Variants in TECRL observed in about 807,000 individuals in gnomAD.
TECRL encodes the protein trans-2,3-enoyl-CoA reductase like.
A neutral mutation model predicts 52.8 loss-of-function variants in TECRL; 63 were observed. The ratio of observed to expected loss-of-function variants is 1.19; its 90% CI spans 0.97 to 1.47. The LOEUF (loss-of-function observed/expected upper bound fraction) is 1.47. TECRL is among the 40% of genes most tolerant of loss of function. The pLI is 0.00. For synonymous variants in TECRL, 164 were observed against 141.9 expected (o/e 1.16, Z -1.10); for missense variants, 482 against 429.6 (o/e 1.12, Z -1.08).
rs1284114298 is a variant in TECRL, at chr4:64,280,015, A to G, written c.*57T>C. 2.0e-5 allele frequency: 30 copies of G among 1,528,076 alleles called. No individual in the cohort carries two copies. The highest frequency in any genetic ancestry group is 2.4e-4 in the Middle Eastern group (1 of 4,250). The allele number at this position is 1,528,076 out of a possible 1,614,324, so 94.7% of individuals were successfully genotyped here. A position where few individuals can be genotyped will look rare whatever the true frequency, so the allele number is the denominator to read the frequency against. On this transcript the variant is annotated 3_prime_UTR_variant, in exon 12 of 12. Coordinates refer to ENST00000381210, the MANE Select transcript of TECRL (RefSeq NM_001010874.5). ...TATAATAGTTAACTATCCTTAACTA[A>G]GTCTTATTTATTGAATTTATATGTT...
chr4:64,356,718 T>C (rs989948008), intron 2 of TECRL, among the ~76,000 whole-genome samples: 3 of 152,108 alleles, frequency 2.0e-5, no homozygotes, highest in African/African-American at 7.2e-5. Context: ...CAGAGACCAA[T>C]GCGTTAGCAG....
chr4:64,381,168 A>G (rs1300737753), intron 1 of TECRL, among the ~76,000 whole-genome samples: 1 of 151,964 alleles, frequency 6.6e-6, no homozygotes, highest in African/African-American at 2.4e-5. Flanking sequence ...ATGAGATAAA[A>G]TTATTGATTT....
At chr4:64,317,772 A>T (rs778440686) in intron 4 of TECRL, among the ~76,000 whole-genome samples, 2 of 152,330 alleles carry the variant, frequency 1.3e-5, no homozygotes, top group Non-Finnish European at 2.9e-5. Context: ...AAATATTTTT[A>T]AAAAGCCTTT....
At chr4:64,330,899 G>T (rs1718591590) in intron 2 of TECRL, among the ~76,000 whole-genome samples, 1 of 151,880 alleles carries the variant, frequency 6.6e-6, no homozygotes, top group Non-Finnish European at 1.5e-5. Context: ...TTTATTTCTG[G>T]CAATATAGAC....
Position 64,338,668 on chromosome 4 carries a change from A to G in TECRL, c.287-10112T>C, listed in dbSNP as rs1440625089. Among the ~76,000 whole-genome samples, 5 of 152,262 alleles carry G rather than the reference A, an allele frequency of 3.3e-5. No individual in the cohort carries two copies. In the East Asian group the frequency reaches 9.6e-4, roughly 29 times the overall value. ...AAAAGAAGACATTTATGCATTCAAC[A>G]GACACATGATAAAATGTTCATCATC... On this transcript the variant is annotated intron_variant, in intron 2 of 11. Transcript: ENST00000381210.
chr4:64,314,593 GTGTGTGTGTGTGTGTGTGT>G (rs1717340878), intron 5 of TECRL, 36 bp downstream of exon 5: 5 of 264,778 alleles, frequency 1.9e-5, no homozygotes, highest in African/African-American at 4.1e-4. Flanking sequence ...CGTGTATGGT[GTGTGTGTGTGTGTGTGTGT>G]GTGTGTGTGT....
At chr4:64,369,681 T>C (rs1016540494) in intron 2 of TECRL, among the ~76,000 whole-genome samples, 3 of 151,968 alleles carry the variant, frequency 2.0e-5, no homozygotes, top group Non-Finnish European at 4.4e-5. Context: ...GCAAGTTATA[T>C]AATATTTCTT....
intron 2 of TECRL, among the ~76,000 whole-genome samples, chr4:64,359,660 C>A (rs907649837): frequency 3.3e-5 from 5 of 151,956 alleles, no homozygotes; most frequent in Non-Finnish European, 5.9e-5. Flanking sequence ...AATCACATTT[C>A]ATGCACTTCA....
intron 8 of TECRL, among the ~76,000 whole-genome samples, chr4:64,293,038 T>G (rs995302239): frequency 1.3e-5 from 2 of 152,102 alleles, no homozygotes; most frequent in Non-Finnish European, 2.9e-5. Flanking sequence ...CTTTATTGAG[T>G]AATTTGAATA....
Position 64,353,209 on chromosome 4 carries a change from G to T in TECRL, c.286+21963C>A, listed in dbSNP as rs199657004. 4.5e-4 allele frequency among the ~76,000 whole-genome samples: 69 copies of T among 152,278 alleles called. No homozygotes were observed. The East Asian group carries it at 0.012, about 27-fold the overall frequency. On this transcript the variant is annotated intron_variant, in intron 2 of 11. Transcript: ENST00000381210. ...AAACACAGAATAAGAAGTTCTCAGA[G>T]AGTAATAAATACCATGCTGTTAAAG...
intron 8 of TECRL, 23 bp downstream of exon 8, chr4:64,299,951 C>G (rs752728102): frequency 2.0e-6 from 3 of 1,475,414 alleles, no homozygotes; most frequent in South Asian, 1.5e-5. Flanking sequence ...GCGTGAATAG[C>G]AAAATATATA....
In TECRL at chr4:64,327,115, G is replaced by T. The variant is rs571399306; in HGVS notation, c.331+1397C>A. ...CATGTAGGCAAGTAAGTATGAGAGG[G>T]TCAATCAAATGTAGAAATCTGAATC... On this transcript the variant is annotated intron_variant, in intron 3 of 11. Coordinates refer to ENST00000381210, the MANE Select transcript of TECRL (RefSeq NM_001010874.5). Among the ~76,000 whole-genome samples, 232 of 152,102 alleles carry T rather than the reference G, an allele frequency of 1.5e-3. 1 individual carries two copies. Among genetic ancestry groups the T allele is most frequent in the African/African-American group, 5.3e-3 (221 of 41,516 alleles).
intron 2 of TECRL, among the ~76,000 whole-genome samples, chr4:64,356,764 A>G (rs1356709406): frequency 6.6e-6 from 1 of 152,000 alleles, no homozygotes; most frequent in Non-Finnish European, 1.5e-5. Context: ...CTCTGGGCCC[A>G]TTTTTCTTTC....
intron 1 of TECRL, among the ~76,000 whole-genome samples, chr4:64,388,468 CCTGGTT>C (rs1723328002): frequency 6.6e-6 from 1 of 151,732 alleles, no homozygotes; most frequent in African/African-American, 2.4e-5. Flanking sequence ...AGTTCTTCAA[CCTGGTT>C]CTTATTTGTC....
intron 2 of TECRL, among the ~76,000 whole-genome samples, chr4:64,330,652 T>A (rs986755866): frequency 2.0e-5 from 3 of 152,030 alleles, no homozygotes; most frequent in African/African-American, 7.2e-5. Flanking sequence ...AATAAAAGTT[T>A]AATTAATCAC....
At chr4:64,297,449 T>C (rs1212719015) in intron 8 of TECRL, among the ~76,000 whole-genome samples, 2 of 150,940 alleles carry the variant, frequency 1.3e-5, no homozygotes, top group Admixed American at 1.3e-4. Context: ...AGCAAAAAAA[T>C]AGCATTTACA....
chr4:64,306,432 A>C (rs1365122390), intron 6 of TECRL, among the ~76,000 whole-genome samples: 2 of 152,154 alleles, frequency 1.3e-5, no homozygotes, highest in Non-Finnish European at 2.9e-5. Context: ...ACACCCCATT[A>C]GGGTGTTGGA....
At chr4:64,292,640 C>A (rs996790841) in intron 8 of TECRL, among the ~76,000 whole-genome samples, 15 of 151,962 alleles carry the variant, frequency 9.9e-5, no homozygotes, top group Admixed American at 2.6e-4. Context: ...AAAAGTTTAA[C>A]CTATCAAATA....
chr4:64,371,898 G>A (rs1238530269), intron 2 of TECRL, among the ~76,000 whole-genome samples: 1 of 151,722 alleles, frequency 6.6e-6, no homozygotes. Context: ...AGAGAAAAGT[G>A]GGTTACTTGT....
Sources: allele counts gnomAD v4.1 joint callset (sites outside exome capture counted in the v4.1 genomes callset), GRCh38; gene constraint gnomAD v4.1.1; transcripts MANE v1.5; gene names NCBI Gene and HGNC (gene_info 2026-07-23, HGNC 2026-07-21).